ADGRL3: variants seen among roughly 807,000 people sequenced by gnomAD.
ADGRL3 encodes adhesion G protein-coupled receptor L3.
In ADGRL3, 62 loss-of-function variants were observed where a neutral mutation model predicts 153.5. The observed-to-expected ratio is 0.40, with a 90% CI of 0.33 to 0.50. The LOEUF (loss-of-function observed/expected upper bound fraction) is 0.50. Among genes scored for constraint, ADGRL3 ranks in the 20% least tolerant of loss-of-function variants. The pLI, the probability that ADGRL3 is intolerant of heterozygous loss-of-function variation, is 0.47. For missense variants in ADGRL3, 1,641 were observed against 1,859.4 expected, an observed-to-expected ratio of 0.88 and a Z score of 2.16; for synonymous variants, 710 against 672.5, an observed-to-expected ratio of 1.06 and a Z score of -0.86.
At chr4:61,909,406 A>G (rs1405396976) in intron 11 of ADGRL3, among the ~76,000 whole-genome samples, 154 bp from the exon 12 acceptor site, 3 of 152,210 alleles carry the variant, frequency 2.0e-5, no homozygotes, top group Non-Finnish European at 4.4e-5. Context: ...AATTCGCAGG[A>G]AAAATTGGGG....
At chr4:62,011,924 G>A (rs1291294718) in intron 21 of ADGRL3, among the ~76,000 whole-genome samples, 1 of 151,946 alleles carries the variant, frequency 6.6e-6, no homozygotes, top group Non-Finnish European at 1.5e-5. Flanking sequence ...ACAAAAACCA[G>A]CTAGGAATAC....
chr4:61,706,277 C>T (rs2095856122), intron 6 of ADGRL3, among the ~76,000 whole-genome samples: 1 of 152,002 alleles, frequency 6.6e-6, no homozygotes, highest in Non-Finnish European at 1.5e-5. Flanking sequence ...AAAAAACTAG[C>T]TGGGCGTGGT....
chr4:61,838,404 A>C (rs1561333618), intron 9 of ADGRL3, among the ~76,000 whole-genome samples: 3 of 152,170 alleles, frequency 2.0e-5, no homozygotes, highest in Admixed American at 1.3e-4. Context: ...TGTTTATAGG[A>C]TTTCTCATGG....
chr4:61,271,808 G>C (rs2093197239), intron 1 of ADGRL3, among the ~76,000 whole-genome samples: 1 of 151,972 alleles, frequency 6.6e-6, no homozygotes, highest in South Asian at 2.1e-4. Context: ...TTCTCTTAGA[G>C]CTAAATAGTA....
chr4:61,223,725 A>G (rs1354219200), intron 1 of ADGRL3, among the ~76,000 whole-genome samples: 2 of 152,182 alleles, frequency 1.3e-5, no homozygotes, highest in East Asian at 3.9e-4. Context: ...TCATTCTTAC[A>G]TTGGCCAGTT....
At chr4:61,838,974 A>T (rs2097980320) in intron 9 of ADGRL3, among the ~76,000 whole-genome samples, 1 of 152,206 alleles carries the variant, frequency 6.6e-6, no homozygotes, top group Non-Finnish European at 1.5e-5. Flanking sequence ...AAAGTCATCT[A>T]ATATAAGGAG....
chr4:61,515,247 A>T (rs1311640657), intron 3 of ADGRL3, among the ~76,000 whole-genome samples: 2 of 152,252 alleles, frequency 1.3e-5, no homozygotes, highest in East Asian at 3.9e-4. Context: ...CCTTTCCTGT[A>T]TCCTGGAAGT....
chr4:61,425,616 T>TG (rs2097267780), intron 2 of ADGRL3, among the ~76,000 whole-genome samples: 1 of 152,240 alleles, frequency 6.6e-6, no homozygotes, highest in African/African-American at 2.4e-5. Context: ...CAGTGGCTTC[T>TG]GCCCAGGGTG....
At chr4:61,870,054 G>GA (rs11427807) in intron 9 of ADGRL3, among the ~76,000 whole-genome samples, 2,777 of 147,364 alleles carry the variant, frequency 0.019, 89 homozygotes, top group African/African-American at 0.064. Flanking sequence ...GAAAAGAAAG[G>GA]AAAAAACGTA....
chr4:61,387,635 G>A (rs774481676), intron 2 of ADGRL3, among the ~76,000 whole-genome samples: 3 of 152,122 alleles, frequency 2.0e-5, no homozygotes, highest in Non-Finnish European at 2.9e-5. Context: ...GCTCTGTTCC[G>A]CCTGGCTCAC....
At chr4:61,830,939 A>T (rs2097861167) in intron 9 of ADGRL3, among the ~76,000 whole-genome samples, 1 of 152,040 alleles carries the variant, frequency 6.6e-6, no homozygotes, top group Non-Finnish European at 1.5e-5. Context: ...CCCAGGCTGG[A>T]GTGCAGTGGC....
intron 1 of ADGRL3, among the ~76,000 whole-genome samples, chr4:61,228,819 A>G (rs1749162209): frequency 6.6e-6 from 1 of 152,050 alleles, no homozygotes; most frequent in African/African-American, 2.4e-5. Flanking sequence ...CAACCTCCCT[A>G]GAGCTGGGAT....
intron 2 of ADGRL3, among the ~76,000 whole-genome samples, chr4:61,397,988 G>A (rs552270282): frequency 7.9e-5 from 12 of 151,800 alleles, no homozygotes; most frequent in Non-Finnish European, 1.6e-4. Context: ...TTTCTGGAGG[G>A]AGCCATTCTT....
At chr4:61,979,310 A>C (rs543468775) in intron 17 of ADGRL3, among the ~76,000 whole-genome samples, 1 of 152,306 alleles carries the variant, frequency 6.6e-6, no homozygotes, top group African/African-American at 2.4e-5. Flanking sequence ...ATATTCTGAA[A>C]ATGCTTGTAG....
At chr4:61,481,608 T>C (rs1376181594) in intron 2 of ADGRL3, among the ~76,000 whole-genome samples, 1 of 152,026 alleles carries the variant, frequency 6.6e-6, no homozygotes, top group Non-Finnish European at 1.5e-5. Context: ...TATATATTAA[T>C]GAGTGTTTGT....
chr4:61,894,569 G>A (rs1339127106), intron 10 of ADGRL3, among the ~76,000 whole-genome samples: 5 of 152,020 alleles, frequency 3.3e-5, no homozygotes, highest in East Asian at 1.9e-4. Flanking sequence ...CCTTTGTTTT[G>A]AAGATTAGTG....
chr4:61,861,900 C>T (rs10049788), intron 9 of ADGRL3, among the ~76,000 whole-genome samples: 11,903 of 152,100 alleles, frequency 0.078, 626 homozygotes, highest in South Asian at 0.16. Flanking sequence ...GGCTTTTCCA[C>T]GTAGGATTGA....
chr4:61,608,113 G>A (rs1413116230), intron 5 of ADGRL3, among the ~76,000 whole-genome samples: 2 of 152,230 alleles, frequency 1.3e-5, no homozygotes, highest in Non-Finnish European at 2.9e-5. Flanking sequence ...CATAGGAGGA[G>A]AGCAGTGAAT....
At chr4:61,698,900 T>C (rs1346151741) in intron 6 of ADGRL3, among the ~76,000 whole-genome samples, 1 of 152,220 alleles carries the variant, frequency 6.6e-6, no homozygotes, top group African/African-American at 2.4e-5. Context: ...TTTTTAACTG[T>C]AGGGTTTTGA....
Sources: allele counts gnomAD v4.1 joint callset (sites outside exome capture counted in the v4.1 genomes callset), GRCh38; gene constraint gnomAD v4.1.1; transcripts MANE v1.5; gene names NCBI Gene and HGNC (gene_info 2026-07-23, HGNC 2026-07-21).